The following QPRT variants were observed in gnomAD, a reference collection of about 807,000 sequenced individuals.
QPRT encodes nicotinate-nucleotide pyrophosphorylase [carboxylating].
A neutral mutation model predicts 19.8 loss-of-function variants in QPRT; 17 were observed. That is an observed-to-expected ratio of 0.86 (90% CI 0.59 to 1.29). The LOEUF (loss-of-function observed/expected upper bound fraction) is 1.29. QPRT is among the 50% of genes most tolerant of loss of function. The probability of loss-of-function intolerance (pLI) is 0.00; values close to 1 mark genes in which losing one functional copy is unlikely to be tolerated. For missense variants in QPRT, 336 were observed against 405.1 expected (o/e 0.83, Z 1.46); for synonymous variants, 178 against 191.0 (o/e 0.93, Z 0.56).
rs1056493462 is a variant in QPRT, at chr16:29,697,714, G to A, written c.*303G>A. The A allele has an allele frequency of 3.6e-5, 12 of 332,526 alleles. No individual in the cohort carries two copies. The highest frequency in any genetic ancestry group is 6.1e-5 in the Non-Finnish European group (11 of 181,492). 20.6% of individuals were successfully genotyped at this position (332,526 alleles called of 1,614,324 possible). A position where few individuals can be genotyped will look rare whatever the true frequency, so the allele number is the denominator to read the frequency against. On this transcript the variant is annotated 3_prime_UTR_variant, in exon 4 of 4. Coordinates refer to ENST00000395384, the MANE Select transcript of QPRT (RefSeq NM_014298.6). The surrounding 1 kb of genome is among the most constrained non-coding windows in gnomAD (Gnocchi z 4.4). ...GAAGTTACCTGGGACAGCCGGGCACGATGGCTCACACCTGTAATCCCAGCA... is the reference window on the plus strand; with the variant it reads ...GAAGTTACCTGGGACAGCCGGGCACAATGGCTCACACCTGTAATCCCAGCA...
chr16:29,685,193 G>A (rs968896135), intron 1 of QPRT, among the ~76,000 whole-genome samples: 3 of 152,030 alleles, frequency 2.0e-5, no homozygotes, highest in Admixed American at 6.6e-5. Flanking sequence ...TTTGTTGGCC[G>A]GGCGCAGTGG....
At chr16:29,693,626 ACC>A (rs1230684155) in intron 1 of QPRT, among the ~76,000 whole-genome samples, 4 of 151,402 alleles carry the variant, frequency 2.6e-5, no homozygotes, top group African/African-American at 9.7e-5. Flanking sequence ...TTGCTCTGTC[ACC>A]CAGGCTGGAG....
At chr16:29,686,905 C>T (rs1335390107) in intron 1 of QPRT, among the ~76,000 whole-genome samples, 2 of 152,248 alleles carry the variant, frequency 1.3e-5, no homozygotes, top group African/African-American at 2.4e-5. Context: ...CCATTTTTCA[C>T]TGATTCTCTG....
rs773728193 is a variant in QPRT at position 29,694,802 on chromosome 16, C to G, written c.152C>G (p.Pro51Arg). 15 of 1,613,958 alleles carry G rather than the reference C, an allele frequency of 9.3e-6. No individual in the cohort carries two copies. The Admixed American group carries it at 1.0e-4, about 11-fold the overall frequency. ...PSQAALWAKS[P>R]GVLAGQPFFD... ...CAGGCGGCGCTGTGGGCCAAATCCC[C>G]TGGGGTACTGGCAGGGCAGCCTTTC... The change falls in exon 2 of 4, where the codon CCT (proline) becomes CGT (arginine). Residue 51 changes from proline (P) to arginine (R), a missense_variant. By Grantham distance (103) the Pro-to-Arg change is moderately radical. Coordinates refer to ENST00000395384, the MANE Select transcript of QPRT (RefSeq NM_014298.6).
intron 1 of QPRT, among the ~76,000 whole-genome samples, chr16:29,684,361 T>C (rs1228607236): frequency 6.6e-6 from 1 of 152,102 alleles, no homozygotes; most frequent in Non-Finnish European, 1.5e-5. Flanking sequence ...AATGGCACTA[T>C]CTCGGCTTAC....
At chr16:29,679,075 G>C, upstream of QPRT, 1 of 1,571,252 alleles carries the variant, frequency 6.4e-7, no homozygotes, top group Non-Finnish European at 8.7e-7. Flanking sequence ...GGGGAGCCTG[G>C]GAAGGGCCGG....
At chr16:29,679,281 C>T (rs950036297) in intron 1 of QPRT, 71 bp downstream of exon 1, 3 of 1,240,070 alleles carry the variant, frequency 2.4e-6, no homozygotes, top group African/African-American at 3.0e-5. Flanking sequence ...CCCACCCTGG[C>T]TTGTCTCAGC....
chr16:29,685,085 C>G (rs1036489680), intron 1 of QPRT, among the ~76,000 whole-genome samples: 5 of 152,216 alleles, frequency 3.3e-5, no homozygotes, highest in African/African-American at 1.2e-4. Flanking sequence ...GGTAGATCCC[C>G]TTTTGGAAAT....
At chr16:29,689,217 C>G (rs758039789) in intron 1 of QPRT, among the ~76,000 whole-genome samples, 2 of 152,104 alleles carry the variant, frequency 1.3e-5, no homozygotes, top group African/African-American at 4.8e-5. Flanking sequence ...GCCTCAGCCT[C>G]CCAAGTAGCT....
chr16:29,694,748 C>T lies in QPRT; in HGVS notation c.98C>T (p.Ala33Val), dbSNP rs752471673. 8 of 1,610,436 alleles carry T rather than the reference C, an allele frequency of 5.0e-6. 1 individual carries two copies. In the Admixed American group the frequency reaches 1.3e-4, roughly 27 times the overall value. Residue 33 changes from alanine (A) to valine (V), a missense_variant, in exon 2 of 4, where the codon GCA becomes GTA. Ala to Val is a moderately conservative substitution (Grantham distance 64, BLOSUM62 0). Coordinates refer to ENST00000395384, the MANE Select transcript of QPRT (RefSeq NM_014298.6). ...GAGGACTGCCCAGGGCTCAACTACG[C>T]AGCCTTGGTCAGCGGGGCAGGCCCC... ...LREDCPGLNY[A>V]ALVSGAGPSQ...
chr16:29,695,325 T>C, intron 2 of QPRT, 126 bp downstream of exon 2: 1 of 1,084,042 alleles, frequency 9.2e-7, no homozygotes, highest in Non-Finnish European at 1.3e-6. Context: ...AACACAAGAC[T>C]CTTCCCACCT....
rs1444788426 is a variant in QPRT, at chr16:29,698,433, AT to A, written c.*1023del. 2.0e-5 allele frequency: 3 copies of A among 152,250 alleles called. No homozygotes were observed. Among genetic ancestry groups the A allele is most frequent in the Non-Finnish European group, 4.4e-5 (3 of 68,028 alleles). The allele number at this position is 152,250 out of a possible 1,614,324, so 9.4% of individuals were successfully genotyped here. A position where few individuals can be genotyped will look rare whatever the true frequency, so the allele number is the denominator to read the frequency against. ...TTAAAAAAAAGTAACAATAATAATAATATCAACCCCTGACCTAAACTACTTG... is the reference window on the plus strand; with the variant it reads ...TTAAAAAAAAGTAACAATAATAATAAATCAACCCCTGACCTAAACTACTTG... On this transcript the variant is annotated 3_prime_UTR_variant, in exon 4 of 4. Transcript: ENST00000395384.
intron 1 of QPRT, among the ~76,000 whole-genome samples, chr16:29,683,277 A>T (rs556902838): frequency 1.3e-5 from 2 of 149,478 alleles, no homozygotes; most frequent in Non-Finnish European, 3.0e-5. Context: ...TCTTAGGCCC[A>T]CCTTGGCCTC....
intron 2 of QPRT, 132 bp downstream of exon 2, chr16:29,695,331 C>A: frequency 9.6e-7 from 1 of 1,042,738 alleles, no homozygotes; most frequent in Non-Finnish European, 1.3e-6. Flanking sequence ...AGACTCTTCC[C>A]ACCTCAGCTC....
chr16:29,693,375 C>T (rs1220074682), intron 1 of QPRT, among the ~76,000 whole-genome samples: 2 of 151,414 alleles, frequency 1.3e-5, no homozygotes, highest in African/African-American at 2.4e-5. Flanking sequence ...TGGGTTCAAG[C>T]GATTCTCCTG....
At chr16:29,686,281 C>G (rs1044922629) in intron 1 of QPRT, among the ~76,000 whole-genome samples, 1 of 152,156 alleles carries the variant, frequency 6.6e-6, no homozygotes, top group East Asian at 1.9e-4. Context: ...ACACTGCCCC[C>G]ACCCCGACAC....
intron 1 of QPRT, among the ~76,000 whole-genome samples, chr16:29,683,943 C>T (rs1269787671): frequency 1.3e-5 from 2 of 152,148 alleles, no homozygotes; most frequent in South Asian, 2.1e-4. Context: ...CTTCTGCCCC[C>T]GACACATGGC....
At chr16:29,681,735 T>C (rs1388453106) in intron 1 of QPRT, among the ~76,000 whole-genome samples, 2 of 149,942 alleles carry the variant, frequency 1.3e-5, no homozygotes, top group Non-Finnish European at 3.0e-5. Context: ...CTTTTTTTTT[T>C]TTTTTCGAGA....
At position 29,695,014 on chromosome 16, in the gene QPRT, G is replaced by A. The variant is rs1829260570; in HGVS notation, c.364G>A (p.Val122Met). Residue 122 changes from valine (V) to methionine (M), a missense_variant, in exon 2 of 4, where the codon GTG (valine) becomes ATG (methionine). Transcript: ENST00000395384. ...CATTGCCAGTGCTGCCGCCGCTGCA[G>A]TGGAGGCCGCCAGGGGGGCCGGCTG... The part of the protein sequence containing the change: ...SGIASAAAAA[V>M]EAARGAGWTG... The A allele has an allele frequency of 6.2e-7, 1 of 1,605,278 alleles. No individual in the cohort carries two copies. The highest frequency in any genetic ancestry group is 1.3e-5 in the African/African-American group (1 of 75,032).
Sources: allele counts gnomAD v4.1 joint callset (sites outside exome capture counted in the v4.1 genomes callset), GRCh38; gene constraint gnomAD v4.1.1; non-coding constraint Gnocchi (gnomAD v3.1); transcripts MANE v1.5; gene names NCBI Gene and HGNC (gene_info 2026-07-23, HGNC 2026-07-21).